RB1: variants seen among roughly 807,000 people sequenced by gnomAD.
The protein encoded by RB1 is RB transcriptional corepressor 1, also known as retinoblastoma-associated protein.
A neutral mutation model predicts 135.4 loss-of-function variants in RB1; 18 were observed. That is an observed-to-expected ratio of 0.13 (90% CI 0.09 to 0.20). The LOEUF (loss-of-function observed/expected upper bound fraction) is 0.20. Among genes scored for constraint, RB1 ranks in the 10% least tolerant of loss-of-function variants. RB1 has a pLI of 1.00. For missense variants in RB1, 868 were observed against 1,110.0 expected, an observed-to-expected ratio of 0.78 and a Z score of 3.10; for synonymous variants, 365 against 373.2, an observed-to-expected ratio of 0.98 and a Z score of 0.25.
intron 17 of RB1, among the ~76,000 whole-genome samples, chr13:48,383,869 G>T (rs970430018): frequency 1.3e-5 from 2 of 151,998 alleles, no homozygotes; most frequent in African/African-American, 4.8e-5. Flanking sequence ...AGATATTCCT[G>T]TATCATCTGA....
At chr13:48,446,780 A>G (rs1422729316) in intron 17 of RB1, among the ~76,000 whole-genome samples, 1 of 152,216 alleles carries the variant, frequency 6.6e-6, no homozygotes, top group Non-Finnish European at 1.5e-5. Context: ...TGGCTGGAGT[A>G]AGAAGAGTGT....
At chr13:48,312,494 C>T (rs1336688535) in intron 2 of RB1, among the ~76,000 whole-genome samples, 1 of 152,198 alleles carries the variant, frequency 6.6e-6, no homozygotes, top group Admixed American at 6.5e-5. Flanking sequence ...GAGCAATACT[C>T]TTTGCAGCTT....
chr13:48,455,389 C>T (rs1289351958), intron 18 of RB1, among the ~76,000 whole-genome samples: 1 of 152,202 alleles, frequency 6.6e-6, no homozygotes, highest in East Asian at 1.9e-4. Context: ...GTTTACGATA[C>T]TGTCAGTGAA....
intron 6 of RB1, among the ~76,000 whole-genome samples, chr13:48,353,154 A>G (rs539976020): frequency 6.6e-6 from 1 of 152,286 alleles, no homozygotes; most frequent in South Asian, 2.1e-4. Flanking sequence ...AAGATCAATG[A>G]AACAAAGTGT....
At chr13:48,471,573 T>TAAAAAAAAAAAAAAAAAA (rs1555294964) in intron 23 of RB1, among the ~76,000 whole-genome samples, 3 of 133,966 alleles carry the variant, frequency 2.2e-5, no homozygotes, top group African/African-American at 8.2e-5. Flanking sequence ...AAAATATAAA[T>TAAAAAAAAAAAAAAAAAA]AAAAAAAAAA....
intron 17 of RB1, among the ~76,000 whole-genome samples, chr13:48,442,549 A>G (rs1477936518): frequency 6.6e-6 from 1 of 152,236 alleles, no homozygotes; most frequent in Non-Finnish European, 1.5e-5. Context: ...AAATTCCACA[A>G]AAACTCTTTA....
chr13:48,325,069 T>C (rs1439875158), intron 2 of RB1, among the ~76,000 whole-genome samples: 3 of 151,896 alleles, frequency 2.0e-5, no homozygotes, highest in African/African-American at 7.3e-5. Flanking sequence ...ACAGATTATT[T>C]CATTGCCCAG....
chr13:48,309,578 T>C (rs892425125), intron 2 of RB1, among the ~76,000 whole-genome samples: 1 of 152,186 alleles, frequency 6.6e-6, no homozygotes, highest in Admixed American at 6.5e-5. Flanking sequence ...TTTGTGCATA[T>C]ACAATTAAAT....
chr13:48,326,443 C>G (rs947415183), intron 2 of RB1, among the ~76,000 whole-genome samples: 2 of 151,996 alleles, frequency 1.3e-5, no homozygotes, highest in Non-Finnish European at 2.9e-5. Context: ...TCTCTCCCAG[C>G]TTGACCTTAG....
Position 48,367,494 on chromosome 13 carries a change from G to T in RB1, c.940G>T (p.Val314Phe), listed in dbSNP as rs1566194312. Reference protein sequence around the residue: ...GLVTSNGLPEVENLSKRYEEI... With the variant: ...GLVTSNGLPEFENLSKRYEEI... ...TTGTCAGTGACTTTTTTCTTTCAAGGTTGAAAATCTTTCTAAACGATACGA... is the reference window on the plus strand; with the variant it reads ...TTGTCAGTGACTTTTTTCTTTCAAGTTTGAAAATCTTTCTAAACGATACGA... Residue 314 changes from valine to phenylalanine, a missense_variant and splice_region_variant, in exon 10 of 27, where the codon GTT becomes TTT. Coordinates refer to ENST00000267163, the MANE Select transcript of RB1 (RefSeq NM_000321.3). The T allele has an allele frequency of 6.2e-7, 1 of 1,601,878 alleles. No homozygotes were observed. Among genetic ancestry groups the T allele is most frequent in the Non-Finnish European group, 8.5e-7 (1 of 1,172,978 alleles).
chr13:48,477,417 T>C lies in RB1; in HGVS notation c.2713+13T>C. 1 of 1,589,994 alleles carries C rather than the reference T, an allele frequency of 6.3e-7. No homozygotes were observed. The highest frequency in any genetic ancestry group is 2.2e-5 in the East Asian group (1 of 44,630). ...CTGGCAGAAATGAGTAAGTACTTTT[T>C]TCACCTTGTGTAAATGAAATAAACA... is the stretch of plus-strand genomic sequence containing the variant. On this transcript the variant is annotated intron_variant, in intron 26 of 26. Coordinates refer to ENST00000267163, the MANE Select transcript of RB1 (RefSeq NM_000321.3).
At chr13:48,375,735 TG>T (rs1952814726) in intron 12 of RB1, among the ~76,000 whole-genome samples, 1 of 151,842 alleles carries the variant, frequency 6.6e-6, no homozygotes, top group African/African-American at 2.4e-5. Context: ...CCTGCTACCA[TG>T]TCCAGCTAAT....
intron 19 of RB1, 41 bp downstream of exon 19, chr13:48,456,390 T>C (rs371653270): frequency 6.2e-7 from 1 of 1,607,612 alleles, no homozygotes; most frequent in Non-Finnish European, 8.5e-7. Context: ...ACTCTGAAAC[T>C]AGGCTGACTG....
intron 17 of RB1, among the ~76,000 whole-genome samples, chr13:48,448,925 G>A (rs1276616150): frequency 2.6e-5 from 4 of 152,174 alleles, no homozygotes; most frequent in Non-Finnish European, 5.9e-5. Flanking sequence ...ACAAGAATTT[G>A]AGCTTATATA....
chr13:48,452,926 A>G, intron 17 of RB1, 67 bp from the exon 18 acceptor site: 11 of 1,598,880 alleles, frequency 6.9e-6, no homozygotes, highest in Non-Finnish European at 9.4e-6. Context: ...AAACAATATG[A>G]TTTTGATATG....
At chr13:48,333,806 A>C (rs1952358730) in intron 2 of RB1, among the ~76,000 whole-genome samples, 1 of 151,152 alleles carries the variant, frequency 6.6e-6, no homozygotes, top group Admixed American at 6.6e-5. Context: ...TCCTTTTTAG[A>C]ACTACGCTAG....
intron 19 of RB1, among the ~76,000 whole-genome samples, chr13:48,457,155 GAAC>G (rs1949365592): frequency 6.6e-6 from 1 of 152,190 alleles, no homozygotes. Flanking sequence ...TTGAGCAATA[GAAC>G]AGCTTAGAGA....
intron 17 of RB1, among the ~76,000 whole-genome samples, chr13:48,383,203 C>T (rs750480869): frequency 5.3e-5 from 8 of 151,646 alleles, no homozygotes; most frequent in Non-Finnish European, 8.8e-5. Flanking sequence ...CATTTTTTCC[C>T]ATTATTAAAG....
intron 17 of RB1, among the ~76,000 whole-genome samples, chr13:48,397,756 C>T (rs1948660096): frequency 6.6e-6 from 1 of 151,968 alleles, no homozygotes; most frequent in Admixed American, 6.6e-5. Context: ...GTTTTAGAGT[C>T]CTGATTCATT....
Sources: gnomAD v4.1 joint callset for allele counts (sites outside exome capture counted in the v4.1 genomes callset) on GRCh38, gnomAD v4.1.1 for gene constraint, MANE v1.5 for transcripts, NCBI Gene and HGNC (gene_info 2026-07-23, HGNC 2026-07-21) for gene names.